LRRIQ1: variants seen among roughly 807,000 people sequenced by gnomAD.
LRRIQ1 encodes leucine rich repeats and IQ motif containing 1.
A neutral mutation model predicts 211.9 loss-of-function variants in LRRIQ1; 210 were observed. The observed-to-expected ratio is 0.99, with a 90% CI of 0.89 to 1.11. The LOEUF (loss-of-function observed/expected upper bound fraction) is 1.11. LRRIQ1 is among the 50% of genes most tolerant of loss of function. LRRIQ1 has a pLI of 0.00. For missense variants in LRRIQ1, 2,136 were observed against 1,939.5 expected (o/e 1.10, Z -1.90); for synonymous variants, 699 against 650.1 (o/e 1.08, Z -1.14).
At chr12:85,243,128 G>A (rs1481804727) in intron 26 of LRRIQ1, among the ~76,000 whole-genome samples, 2 of 149,222 alleles carry the variant, frequency 1.3e-5, no homozygotes, top group Non-Finnish European at 1.5e-5. Context: ...TGGTTCACAT[G>A]TTTTTTCTTG....
intron 24 of LRRIQ1, among the ~76,000 whole-genome samples, chr12:85,164,163 T>A (rs1891038183): frequency 6.6e-6 from 1 of 152,228 alleles, no homozygotes; most frequent in Non-Finnish European, 1.5e-5. Flanking sequence ...AATTTCTTGG[T>A]TATTGCCTTA....
At chr12:85,143,274 T>G (rs750216460) in intron 19 of LRRIQ1, among the ~76,000 whole-genome samples, 3 of 151,792 alleles carry the variant, frequency 2.0e-5, no homozygotes, top group Non-Finnish European at 2.9e-5. Flanking sequence ...AAATGTCTGT[T>G]CAGGTCCTTT....
intron 24 of LRRIQ1, among the ~76,000 whole-genome samples, chr12:85,222,320 A>G (rs1219607498): frequency 1.3e-5 from 2 of 152,152 alleles, no homozygotes; most frequent in Non-Finnish European, 2.9e-5. Flanking sequence ...ATAGAACTCC[A>G]GAGAAGAATC....
intron 19 of LRRIQ1, among the ~76,000 whole-genome samples, chr12:85,147,528 A>G (rs1248826537): frequency 1.3e-5 from 2 of 151,658 alleles, no homozygotes; most frequent in Admixed American, 6.6e-5. Flanking sequence ...CATGTGGCAG[A>G]CCCAACTGTT....
At chr12:85,242,432 TA>T (rs1187143185) in intron 26 of LRRIQ1, among the ~76,000 whole-genome samples, 1 of 151,988 alleles carries the variant, frequency 6.6e-6, no homozygotes, top group African/African-American at 2.4e-5. Context: ...AGAGATTATT[TA>T]AAATAGAAGG....
At chr12:85,193,076 T>C (rs1198479530) in intron 24 of LRRIQ1, among the ~76,000 whole-genome samples, 1 of 118,078 alleles carries the variant, frequency 8.5e-6, no homozygotes, top group African/African-American at 3.3e-5. Flanking sequence ...TATTATATTT[T>C]ATTATATATA....
chr12:85,110,827 G>C (rs985282824), intron 15 of LRRIQ1, among the ~76,000 whole-genome samples: 1 of 152,040 alleles, frequency 6.6e-6, no homozygotes. Context: ...TGTAAAATGG[G>C]TATACTGGGA....
At chr12:85,184,610 G>A (rs970007535) in intron 24 of LRRIQ1, among the ~76,000 whole-genome samples, 2 of 152,056 alleles carry the variant, frequency 1.3e-5, no homozygotes, top group Non-Finnish European at 2.9e-5. Context: ...ACCTATTTGA[G>A]CTGTTAAAAT....
chr12:85,262,540 A>G (rs1316493667), intron 1 of LRRIQ1, among the ~76,000 whole-genome samples: 1 of 151,926 alleles, frequency 6.6e-6, no homozygotes, highest in East Asian at 1.9e-4. Context: ...GTTTTATTAT[A>G]ATAATATAAA....
intron 1 of LRRIQ1, among the ~76,000 whole-genome samples, chr12:85,252,038 TGA>T (rs972512061): frequency 6.6e-6 from 1 of 151,950 alleles, no homozygotes; most frequent in Admixed American, 6.6e-5. Flanking sequence ...CACAATCAAC[TGA>T]GAGGGGAAAA....
rs368541398 is a variant in LRRIQ1 at position 85,124,340 on chromosome 12, A to G, written c.3828A>G (p.Pro1276=). 31 of 1,614,010 alleles carry G rather than the reference A, an allele frequency of 1.9e-5. No individual in the cohort carries two copies. The African/African-American group carries it at 3.3e-4, about 17-fold the overall frequency. Residue 1276 remains proline (P), a synonymous_variant, in exon 17 of 27, where the codon CCA becomes CCG. Coordinates refer to ENST00000393217, the MANE Select transcript of LRRIQ1 (RefSeq NM_001079910.2). ...TGGACTCTGTCTCCAGCCACTCCCC[A>G]TTAAGCAAATCCGCCACATGTGAAA... is the stretch of plus-strand genomic sequence containing the variant. ...KWMDSVSSHS[P]LSKSATCENM...
At chr12:85,158,487 CAAT>C (rs1890682790) in intron 23 of LRRIQ1, among the ~76,000 whole-genome samples, 1 of 151,584 alleles carries the variant, frequency 6.6e-6, no homozygotes, top group East Asian at 1.9e-4. Flanking sequence ...TAAAATAAAA[CAAT>C]GAGATAAATT....
chr12:85,236,830 C>CATATATATCT (rs1555228691), intron 26 of LRRIQ1, among the ~76,000 whole-genome samples: 3 of 108,810 alleles, frequency 2.8e-5, no homozygotes, highest in African/African-American at 1.3e-4. Flanking sequence ...TGTATGTGTG[C>CATATATATCT]ATATATATAT....
chr12:85,113,336 A>C (rs1887321004), intron 15 of LRRIQ1, among the ~76,000 whole-genome samples: 1 of 150,038 alleles, frequency 6.7e-6, no homozygotes. Context: ...TGTAGATTGC[A>C]CTTAGTTTGT....
intron 10 of LRRIQ1, among the ~76,000 whole-genome samples, chr12:85,069,174 A>C (rs1220454475): frequency 7.1e-6 from 1 of 141,252 alleles, no homozygotes; most frequent in Admixed American, 7.9e-5. Flanking sequence ...CCCACCTGTG[A>C]GTGAGAACAT....
chr12:85,201,396 T>A (rs1241487810), intron 24 of LRRIQ1, among the ~76,000 whole-genome samples: 3 of 152,094 alleles, frequency 2.0e-5, no homozygotes, highest in African/African-American at 7.2e-5. Context: ...ACATTTGGTA[T>A]AATTTGGCTG....
rs183667772 is a variant in LRRIQ1 at position 85,189,638 on chromosome 12, G to A, written c.4822+28924G>A. Among the ~76,000 whole-genome samples, 261 of 151,480 alleles carry A rather than the reference G, an allele frequency of 1.7e-3. 1 individual carries two copies. Among genetic ancestry groups the A allele is most frequent in the Admixed American group, 5.6e-3 (85 of 15,130 alleles). On this transcript the variant is annotated intron_variant, in intron 24 of 26. Coordinates refer to ENST00000393217, the MANE Select transcript of LRRIQ1 (RefSeq NM_001079910.2). ...GAAAAGTATAACAATATAAACATTAGTGACTGGATAAAAAATTATTTTTGG... is the reference window on the plus strand; with the variant it reads ...GAAAAGTATAACAATATAAACATTAATGACTGGATAAAAAATTATTTTTGG...
intron 24 of LRRIQ1, among the ~76,000 whole-genome samples, chr12:85,187,781 C>T (rs1268732734): frequency 6.7e-6 from 1 of 150,222 alleles, no homozygotes; most frequent in Non-Finnish European, 1.5e-5. Flanking sequence ...TGCACTCCAG[C>T]CAGGGCAACA....
At chr12:85,174,713 A>AAAAAAAAAAAAAAAAAT in intron 24 of LRRIQ1, among the ~76,000 whole-genome samples, 1 of 149,280 alleles carries the variant, frequency 6.7e-6, no homozygotes, top group Non-Finnish European at 1.5e-5. Flanking sequence ...AAAAAAAAAA[A>AAAAAAAAAAAAAAAAAT]AAAAAAAAAA....
Sources: allele counts gnomAD v4.1 joint callset (sites outside exome capture counted in the v4.1 genomes callset), GRCh38; gene constraint gnomAD v4.1.1; transcripts MANE v1.5; gene names NCBI Gene and HGNC (gene_info 2026-07-23, HGNC 2026-07-21).